Variants in ATP2B2 observed in about 807,000 individuals in gnomAD.
The protein encoded by ATP2B2 is ATPase plasma membrane Ca2+ transporting 2.
A neutral mutation model predicts 120.0 loss-of-function variants in ATP2B2; 15 were observed. The observed-to-expected ratio is 0.12, with a 90% CI of 0.08 to 0.19. The LOEUF is 0.19. ATP2B2 is among the 10% of genes least tolerant of loss of function. ATP2B2 has a pLI of 1.00. For synonymous variants in ATP2B2, 694 were observed against 700.3 expected, an observed-to-expected ratio of 0.99 and a Z score of 0.14; for missense variants, 1,045 against 1,719.8, an observed-to-expected ratio of 0.61 and a Z score of 6.94.
intron 3 of ATP2B2, among the ~76,000 whole-genome samples, chr3:10,520,757 C>CT (rs5846668): frequency 0.53 from 77,267 of 145,548 alleles, 21,117 homozygotes; most frequent in East Asian, 0.92. Flanking sequence ...CACCTGGCCT[C>CT]TTTTTTTTTT....
chr3:10,504,637 G>A (rs1269540439), intron 1 of ATP2B2, among the ~76,000 whole-genome samples: 1 of 151,606 alleles, frequency 6.6e-6, no homozygotes, highest in Non-Finnish European at 1.5e-5. Flanking sequence ...TGGCTAGAAA[G>A]GGGTTGCTGC....
chr3:10,424,135 C>T (rs1404009422), intron 2 of ATP2B2, among the ~76,000 whole-genome samples: 1 of 152,180 alleles, frequency 6.6e-6, no homozygotes. Flanking sequence ...ACATGTGCTC[C>T]TACATGATCA....
At chr3:10,481,482 C>A (rs939523219) in intron 1 of ATP2B2, among the ~76,000 whole-genome samples, 1 of 152,186 alleles carries the variant, frequency 6.6e-6, no homozygotes, top group Non-Finnish European at 1.5e-5. Context: ...GCCCTGAACA[C>A]CCCATCAAAA....
chr3:10,451,621 A>C (rs1275513961), intron 1 of ATP2B2, among the ~76,000 whole-genome samples: 1 of 152,170 alleles, frequency 6.6e-6, no homozygotes, highest in African/African-American at 2.4e-5. Context: ...GATTATTTTT[A>C]CACTGGGACT....
At chr3:10,606,984 AAGAGAGAGAGAGAGACAGAG>A (rs2069103188) in intron 2 of ATP2B2, among the ~76,000 whole-genome samples, 2 of 142,178 alleles carry the variant, frequency 1.4e-5, no homozygotes, top group South Asian at 4.5e-4. Flanking sequence ...GAGAGAAAGA[AAGAGAGAGAGAGAGACAGAG>A]AGAGAGAGAG....
intron 1 of ATP2B2, among the ~76,000 whole-genome samples, chr3:10,478,055 T>C (rs930445744): frequency 3.3e-5 from 5 of 152,190 alleles, no homozygotes; most frequent in Admixed American, 3.3e-4. Context: ...CTATTTTCTG[T>C]TTTTTGGTGA....
chr3:10,684,940 G>A (rs888990456), intron 1 of ATP2B2, among the ~76,000 whole-genome samples: 2 of 152,186 alleles, frequency 1.3e-5, no homozygotes, highest in African/African-American at 4.8e-5. Flanking sequence ...GGAGGTTCAG[G>A]TCAGAGGGGA....
chr3:10,341,909 G>A (rs1307487578), intron 19 of ATP2B2, among the ~76,000 whole-genome samples: 1 of 152,190 alleles, frequency 6.6e-6, no homozygotes, highest in Non-Finnish European at 1.5e-5. Context: ...AACTGCCTTT[G>A]AGGAATGGAT....
At chr3:10,639,077 C>T (rs1013603020) in intron 1 of ATP2B2, among the ~76,000 whole-genome samples, 3 of 152,174 alleles carry the variant, frequency 2.0e-5, no homozygotes, top group Non-Finnish European at 4.4e-5. Flanking sequence ...ACGTTTGCAA[C>T]TTTAGGCAAA....
At chr3:10,590,736 G>C (rs564789624) in intron 2 of ATP2B2, among the ~76,000 whole-genome samples, 153 of 152,360 alleles carry the variant, frequency 1.0e-3, no homozygotes, top group African/African-American at 3.6e-3. Flanking sequence ...CCCTTGAAGA[G>C]GAAGGAGGCC....
chr3:10,540,129 C>T (rs2067402159), intron 2 of ATP2B2, among the ~76,000 whole-genome samples: 1 of 152,190 alleles, frequency 6.6e-6, no homozygotes, highest in Non-Finnish European at 1.5e-5. Flanking sequence ...TGCTCATCAT[C>T]ACTGGCCATC....
At chr3:10,570,189 C>G (rs1255377573) in intron 2 of ATP2B2, 1 of 152,238 alleles carries the variant, frequency 6.6e-6, no homozygotes, top group Admixed American at 6.5e-5. Flanking sequence ...CGAGTTCCAG[C>G]TCTGCCACTA....
At chr3:10,653,903 A>G (rs111333159) in intron 1 of ATP2B2, among the ~76,000 whole-genome samples, 2 of 151,998 alleles carry the variant, frequency 1.3e-5, no homozygotes, top group African/African-American at 4.8e-5. Context: ...TCTCTACTCA[A>G]CACATTTTTT....
chr3:10,496,428 A>G (rs931777397), intron 1 of ATP2B2, among the ~76,000 whole-genome samples: 5 of 152,206 alleles, frequency 3.3e-5, no homozygotes, highest in African/African-American at 7.2e-5. Flanking sequence ...GTGGCCAATA[A>G]CTATCTGATA....
At chr3:10,581,912 ACACAGAG>A (rs781297867) in intron 2 of ATP2B2, among the ~76,000 whole-genome samples, 1 of 152,210 alleles carries the variant, frequency 6.6e-6, no homozygotes, top group Non-Finnish European at 1.5e-5. Flanking sequence ...TGTTAGGTAA[ACACAGAG>A]CACAAATAAG....
intron 2 of ATP2B2, among the ~76,000 whole-genome samples, chr3:10,595,174 A>T (rs148561889): frequency 1.3e-5 from 2 of 152,192 alleles, no homozygotes; most frequent in South Asian, 2.1e-4. Context: ...GATCCCTCCC[A>T]CTCCAACCCG....
chr3:10,439,185 C>T (rs921533733), intron 2 of ATP2B2, among the ~76,000 whole-genome samples: 2 of 152,246 alleles, frequency 1.3e-5, no homozygotes, highest in South Asian at 2.1e-4. Context: ...CACCCTTTGA[C>T]CCATCTGATG....
At chr3:10,688,048 A>G (rs2071566472) in intron 1 of ATP2B2, among the ~76,000 whole-genome samples, 1 of 152,190 alleles carries the variant, frequency 6.6e-6, no homozygotes, top group South Asian at 2.1e-4. Flanking sequence ...TTACATATTC[A>G]TTAAATTCTT....
intron 12 of ATP2B2, among the ~76,000 whole-genome samples, chr3:10,370,117 G>A (rs901392465): frequency 1.7e-4 from 26 of 152,192 alleles, no homozygotes; most frequent in African/African-American, 5.8e-4. Flanking sequence ...ACCAACATCT[G>A]GAAATGACAT....
Sources: allele counts gnomAD v4.1 joint callset (sites outside exome capture counted in the v4.1 genomes callset), GRCh38; gene constraint gnomAD v4.1.1; transcripts MANE v1.5; gene names NCBI Gene and HGNC (gene_info 2026-07-23, HGNC 2026-07-21).